Variants in FOCAD observed in about 807,000 individuals in gnomAD.
FOCAD encodes the protein KIAA1797.
Under a neutral mutation model 225.6 loss-of-function variants are expected in FOCAD, and 198 were observed. The ratio of observed to expected loss-of-function variants is 0.88; its 90% CI spans 0.78 to 0.99. The LOEUF (loss-of-function observed/expected upper bound fraction) is 0.99. Among genes scored for constraint, FOCAD ranks in the 50% least tolerant of loss-of-function variants. The probability of loss-of-function intolerance (pLI) is 0.00; values close to 1 mark genes in which losing one functional copy is unlikely to be tolerated. For synonymous variants in FOCAD, 897 were observed against 755.0 expected (o/e 1.19, Z -3.08); for missense variants, 2,713 against 2,123.6 (o/e 1.28, Z -5.46).
intron 11 of FOCAD, among the ~76,000 whole-genome samples, chr9:20,817,854 C>G (rs566517795): frequency 6.6e-6 from 1 of 152,206 alleles, no homozygotes; most frequent in East Asian, 1.9e-4. Flanking sequence ...AATTCATTTA[C>G]AAGATTTTGT....
rs374808866 is a variant in FOCAD at position 20,817,325 on chromosome 9, G to A, written c.1456-2471G>A. On this transcript the variant is annotated intron_variant, in intron 11 of 43. Transcript: ENST00000338382. ...AATTTGAGAACATTTCATTACCCCC[G>A]AAGGAAACCCCATGCCCATAAGACG... Among the ~76,000 whole-genome samples the A allele has an allele frequency of 8.6e-5, 13 of 151,950 alleles. No individual in the cohort carries two copies. The South Asian group carries it at 2.5e-3, about 29-fold the overall frequency.
intron 27 of FOCAD, among the ~76,000 whole-genome samples, chr9:20,931,924 G>A (rs1835515690): frequency 6.6e-6 from 1 of 151,602 alleles, no homozygotes; most frequent in Admixed American, 6.6e-5. Flanking sequence ...AAAAAAGGGG[G>A]GGAGAATTAT....
chr9:20,889,548 A>G (rs1457537493), intron 21 of FOCAD, among the ~76,000 whole-genome samples: 1 of 152,146 alleles, frequency 6.6e-6, no homozygotes, highest in Non-Finnish European at 1.5e-5. Context: ...TCACTTGCCC[A>G]TATATGTTTG....
chr9:20,822,233 A>G (rs1824413094), intron 14 of FOCAD, among the ~76,000 whole-genome samples: 1 of 152,006 alleles, frequency 6.6e-6, no homozygotes, highest in Admixed American at 6.6e-5. Flanking sequence ...GATCTGTCAA[A>G]TTTTTTCATT....
chr9:20,765,088 C>T lies in FOCAD; in HGVS notation c.699+15C>T. The stretch of plus-strand genomic sequence containing the variant: ...CATGTTTGCAGGTAAGGTCTTTGTC[C>T]TCCTCCACAAATATAGGTCAGCATC... On this transcript the variant is annotated intron_variant, in intron 7 of 43. Transcript: ENST00000338382. 1 of 1,603,386 alleles carries T rather than the reference C, an allele frequency of 6.2e-7. No homozygotes were observed. Among genetic ancestry groups the T allele is most frequent in the Non-Finnish European group, 8.5e-7 (1 of 1,173,388 alleles).
At chr9:20,985,114 T>C (rs1340708463) in intron 39 of FOCAD, among the ~76,000 whole-genome samples, 1 of 152,250 alleles carries the variant, frequency 6.6e-6, no homozygotes, top group African/African-American at 2.4e-5. Context: ...CAACTTGTAG[T>C]TCCTTAAAGG....
At chr9:20,699,808 A>ATATATATATC (rs1370909067) in intron 1 of FOCAD, among the ~76,000 whole-genome samples, 1 of 123,042 alleles carries the variant, frequency 8.1e-6, no homozygotes, top group African/African-American at 3.1e-5. Context: ...ATATATATAT[A>ATATATATATC]TATATATGAA....
chr9:20,916,263 A>G (rs1212677198), intron 23 of FOCAD, among the ~76,000 whole-genome samples: 1 of 152,174 alleles, frequency 6.6e-6, no homozygotes, highest in Non-Finnish European at 1.5e-5. Context: ...TGAAAATTCT[A>G]TATTGAATTA....
intron 1 of FOCAD, among the ~76,000 whole-genome samples, chr9:20,692,818 A>G (rs1462997362): frequency 1.3e-5 from 2 of 152,228 alleles, no homozygotes; most frequent in Non-Finnish European, 2.9e-5. Flanking sequence ...GCAGGTCACC[A>G]GGTCAAGCCA....
intron 6 of FOCAD, among the ~76,000 whole-genome samples, chr9:20,763,425 C>T (rs1265260952): frequency 6.6e-6 from 1 of 152,082 alleles, no homozygotes; most frequent in East Asian, 1.9e-4. Flanking sequence ...CTGTGAATAG[C>T]CATTGCACTC....
chr9:20,905,657 T>C (rs1832892130), intron 21 of FOCAD, among the ~76,000 whole-genome samples: 1 of 151,918 alleles, frequency 6.6e-6, no homozygotes, highest in African/African-American at 2.4e-5. Context: ...AGGAAAAAAG[T>C]TGAAGAAAAT....
chr9:20,854,814 C>G (rs976960081), intron 15 of FOCAD, among the ~76,000 whole-genome samples: 3 of 151,748 alleles, frequency 2.0e-5, no homozygotes, highest in African/African-American at 7.2e-5. Context: ...TATTATCCCT[C>G]ATGATTGATT....
chr9:20,800,784 T>A (rs796563745), intron 11 of FOCAD, among the ~76,000 whole-genome samples: 12 of 152,268 alleles, frequency 7.9e-5, no homozygotes, highest in African/African-American at 2.9e-4. Flanking sequence ...TTCTTTGCCA[T>A]GGGTTCAGAC....
At chr9:20,917,769 C>G (rs1417268482) in intron 24 of FOCAD, among the ~76,000 whole-genome samples, 1 of 152,150 alleles carries the variant, frequency 6.6e-6, no homozygotes, top group Non-Finnish European at 1.5e-5. Context: ...ACAAAACCTT[C>G]TGTAGCTAAA....
rs546781086 is a variant in FOCAD at position 20,805,629 on chromosome 9, A to G, written c.1456-14167A>G. Among the ~76,000 whole-genome samples the G allele has an allele frequency of 2.0e-5, 3 of 152,208 alleles. No individual in the cohort carries two copies. The South Asian group carries it at 6.2e-4, about 32-fold the overall frequency. On this transcript the variant is annotated intron_variant, in intron 11 of 43. Coordinates refer to ENST00000338382, the MANE Select transcript of FOCAD (RefSeq NM_001375567.1). ...CTAAAGCTTTCTTATTTTATTGCCC[A>G]AAAGATATGGAACTGTTAACAGTGA... is the stretch of plus-strand genomic sequence containing the variant.
chr9:20,948,199 T>C, intron 30 of FOCAD, 72 bp from the exon 31 acceptor site: 1 of 1,369,536 alleles, frequency 7.3e-7, no homozygotes, highest in South Asian at 1.5e-5. Flanking sequence ...TTTATGTTGC[T>C]ATTTATAAAC....
At chr9:20,866,330 G>A (rs527843528) in intron 17 of FOCAD, among the ~76,000 whole-genome samples, 169 of 152,038 alleles carry the variant, frequency 1.1e-3, no homozygotes, top group African/African-American at 3.9e-3. Flanking sequence ...TTTTTTAGAT[G>A]TTGTTTCCAA....
At chr9:20,882,892 A>G (rs1262578727) in intron 20 of FOCAD, among the ~76,000 whole-genome samples, 4 of 152,164 alleles carry the variant, frequency 2.6e-5, no homozygotes, top group African/African-American at 9.7e-5. Context: ...TGAGGAGTCA[A>G]AGACTCATTA....
intron 38 of FOCAD, among the ~76,000 whole-genome samples, chr9:20,981,951 C>T (rs1442393469): frequency 6.6e-6 from 1 of 152,180 alleles, no homozygotes. Flanking sequence ...CCAAATGCCT[C>T]TTGTAGAAGA....
Sources: gnomAD v4.1 joint callset for allele counts (sites outside exome capture counted in the v4.1 genomes callset) on GRCh38, gnomAD v4.1.1 for gene constraint, MANE v1.5 for transcripts, NCBI Gene and HGNC (gene_info 2026-07-23, HGNC 2026-07-21) for gene names.